The following TBCK variants were observed in gnomAD, a reference collection of about 807,000 sequenced individuals.
TBCK encodes the protein TBC domain-containing protein kinase-like protein.
A neutral mutation model predicts 113.4 loss-of-function variants in TBCK; 99 were observed. That is an observed-to-expected ratio of 0.87 (90% CI 0.74 to 1.03). The LOEUF is 1.03. TBCK is among the 50% of genes least tolerant of loss of function. The pLI is 0.00. For synonymous variants in TBCK, 369 were observed against 370.8 expected (o/e 1.00, Z 0.05); for missense variants, 1,045 against 1,061.3 (o/e 0.98, Z 0.21).
intron 12 of TBCK, 130 bp downstream of exon 12, chr4:106,242,340 G>A (rs1225983152): frequency 3.9e-6 from 2 of 508,820 alleles, no homozygotes; most frequent in Non-Finnish European, 6.7e-6. Flanking sequence ...TTCTACTCTG[G>A]GGCACATATT....
At chr4:106,213,725 G>T (rs547963397) in intron 19 of TBCK, 1 of 155,870 alleles carries the variant, frequency 6.4e-6, no homozygotes, top group African/African-American at 2.4e-5. Flanking sequence ...CCTACCCCAC[G>T]GAGTCTCCCT....
At chr4:106,258,270 A>C (rs1762191329) in intron 5 of TBCK, among the ~76,000 whole-genome samples, 1 of 152,070 alleles carries the variant, frequency 6.6e-6, no homozygotes, top group South Asian at 2.1e-4. Flanking sequence ...TGTTTTAATA[A>C]GGTATTAAGC....
In TBCK at chr4:106,184,829, T is replaced by C. The variant is rs548798116; in HGVS notation, c.2059+8780A>G. Among the ~76,000 whole-genome samples, 19 of 152,162 alleles carry C rather than the reference T, an allele frequency of 1.2e-4. No individual in the cohort carries two copies. In the South Asian group the frequency reaches 3.9e-3, roughly 32 times the overall value. On this transcript the variant is annotated intron_variant, in intron 22 of 25. Coordinates refer to ENST00000394708, the MANE Select transcript of TBCK (RefSeq NM_001163435.3). ...CTGTTGTTTAATACCTACAATGAAA[T>C]GAGAAATAAATAGGAAATGCAATAC...
intron 19 of TBCK, among the ~76,000 whole-genome samples, chr4:106,219,349 AC>A (rs1216062087): frequency 6.6e-6 from 1 of 151,970 alleles, no homozygotes; most frequent in Non-Finnish European, 1.5e-5. Context: ...GTGCACATGT[AC>A]CCTAAAACTT....
intron 20 of TBCK, among the ~76,000 whole-genome samples, chr4:106,208,115 A>T (rs1225878170): frequency 6.6e-6 from 1 of 152,198 alleles, no homozygotes; most frequent in Non-Finnish European, 1.5e-5. Flanking sequence ...TTCCCATCCC[A>T]TATGACTTAA....
intron 3 of TBCK, among the ~76,000 whole-genome samples, chr4:106,264,200 CAAAT>C (rs1411396232): frequency 1.3e-5 from 2 of 150,766 alleles, no homozygotes; most frequent in East Asian, 3.9e-4. Context: ...GAAGGTGAAA[CAAAT>C]AAGTAAATAG....
intron 23 of TBCK, among the ~76,000 whole-genome samples, chr4:106,146,462 G>C (rs565087805): frequency 1.3e-5 from 2 of 152,224 alleles, no homozygotes; most frequent in African/African-American, 4.8e-5. Flanking sequence ...TGGAAAGAGA[G>C]AGAAGAACAA....
At chr4:106,149,240 T>G (rs978469061) in intron 23 of TBCK, among the ~76,000 whole-genome samples, 1 of 152,228 alleles carries the variant, frequency 6.6e-6, no homozygotes, top group African/African-American at 2.4e-5. Context: ...CTGCTTTGCT[T>G]TCTTATCATC....
chr4:106,177,827 T>C (rs1751868379), intron 22 of TBCK, among the ~76,000 whole-genome samples: 1 of 151,900 alleles, frequency 6.6e-6, no homozygotes, highest in Non-Finnish European at 1.5e-5. Flanking sequence ...TGTGGTTCCA[T>C]AAAAATTTTA....
intron 25 of TBCK, among the ~76,000 whole-genome samples, chr4:106,077,335 T>C (rs932782660): frequency 3.9e-5 from 6 of 152,184 alleles, no homozygotes; most frequent in African/African-American, 1.2e-4. Context: ...CGACCATGAA[T>C]GTAAACAGGC....
intron 9 of TBCK, 155 bp downstream of exon 9, chr4:106,248,090 G>T: frequency 2.3e-6 from 1 of 430,982 alleles, no homozygotes; most frequent in East Asian, 3.7e-5. Flanking sequence ...CACAAAAAAT[G>T]AAAGCTTACA....
chr4:106,045,480 C>T lies in TBCK; in HGVS notation c.*1090G>A, dbSNP rs930499568. The T allele has an allele frequency of 6.6e-6, 1 of 152,130 alleles. No individual in the cohort carries two copies. The highest frequency in any genetic ancestry group is 1.5e-5 in the Non-Finnish European group (1 of 68,028). The allele number at this position is 152,130 out of a possible 1,614,324, so 9.4% of individuals were successfully genotyped here. ...CAATATGTACTCTCTTCTTCCCACA[C>T]AGTAATAAGAATGTTTTTAGCTGGG... On this transcript the variant is annotated 3_prime_UTR_variant, in exon 26 of 26. Transcript: ENST00000394708.
intron 25 of TBCK, among the ~76,000 whole-genome samples, chr4:106,093,039 A>AT (rs1180591804): frequency 1.3e-5 from 2 of 152,132 alleles, no homozygotes; most frequent in Non-Finnish European, 2.9e-5. Flanking sequence ...GTGTGTTACT[A>AT]TTTTCTGACT....
At chr4:106,165,555 C>T (rs898725468) in intron 23 of TBCK, among the ~76,000 whole-genome samples, 3 of 151,706 alleles carry the variant, frequency 2.0e-5, no homozygotes, top group African/African-American at 7.2e-5. Context: ...AATACTAGAA[C>T]ATCATGTCCT....
intron 25 of TBCK, among the ~76,000 whole-genome samples, chr4:106,064,923 C>T (rs924235463): frequency 6.6e-6 from 1 of 151,894 alleles, no homozygotes; most frequent in Admixed American, 6.6e-5. Context: ...ATGGTACCAA[C>T]TCATTATTCT....
chr4:106,057,863 T>G (rs896725504), intron 25 of TBCK, among the ~76,000 whole-genome samples: 1 of 151,772 alleles, frequency 6.6e-6, no homozygotes, highest in Non-Finnish European at 1.5e-5. Flanking sequence ...CTAACAAGAC[T>G]GAAAGTTTTA....
intron 25 of TBCK, among the ~76,000 whole-genome samples, chr4:106,073,862 G>A (rs536201757): frequency 1.9e-4 from 29 of 152,152 alleles, no homozygotes; most frequent in Admixed American, 2.0e-4. Flanking sequence ...CTCACAGTTC[G>A]ATCTCAGACT....
chr4:106,244,822 C>G, intron 10 of TBCK, 58 bp from the exon 11 acceptor site: 1 of 1,080,568 alleles, frequency 9.3e-7, no homozygotes, highest in African/African-American at 1.7e-5. Context: ...TATTAAACGT[C>G]AACAGGCAGT....
At chr4:106,244,334 A>T (rs1488503011) in intron 11 of TBCK, among the ~76,000 whole-genome samples, 1 of 152,136 alleles carries the variant, frequency 6.6e-6, no homozygotes. Context: ...TTTCATTAAC[A>T]TCAATTATTG....
Sources: gnomAD v4.1 joint callset for allele counts (sites outside exome capture counted in the v4.1 genomes callset) on GRCh38, gnomAD v4.1.1 for gene constraint, MANE v1.5 for transcripts, NCBI Gene and HGNC (gene_info 2026-07-23, HGNC 2026-07-21) for gene names.